The following DNAJC25 variants were observed in gnomAD, a reference collection of about 807,000 sequenced individuals.
DNAJC25 encodes dnaJ homolog subfamily C member 25.
In DNAJC25, 26 loss-of-function variants were observed where a neutral mutation model predicts 42.1. That is an observed-to-expected ratio of 0.62 (90% CI 0.45 to 0.86). The LOEUF (loss-of-function observed/expected upper bound fraction) is 0.86, where lower values mean the gene tolerates loss of function less well. Among genes scored for constraint, DNAJC25 ranks in the 40% least tolerant of loss-of-function variants. DNAJC25 has a pLI of 0.00. For missense variants in DNAJC25, 404 were observed against 459.4 expected (o/e 0.88, Z 1.10); for synonymous variants, 189 against 179.9 (o/e 1.05, Z -0.40).
chr9:111,647,222 T>C lies in DNAJC25; in HGVS notation c.452T>C (p.Val151Ala), dbSNP rs1327021213. The C allele has an allele frequency of 6.2e-7, 1 of 1,614,196 alleles. No individual in the cohort carries two copies. Among genetic ancestry groups the C allele is most frequent in the Non-Finnish European group, 8.5e-7 (1 of 1,180,040 alleles). The change falls in exon 2 of 4, where the codon GTG becomes GCG. Residue 151 changes from valine to alanine, a missense_variant. Physicochemically the swap from Val to Ala is moderately conservative, Grantham distance 64. Transcript: ENST00000313525. Reference sequence around the variant, plus strand: ...GCCCCTAAGGTGGATGTTAGAGTAGTGATTTTGGTCAGCGTGTGTGCTATT... The same window carrying C: ...GCCCCTAAGGTGGATGTTAGAGTAGCGATTTTGGTCAGCGTGTGTGCTATT... ...RLAPKVDVRV[V>A]ILVSVCAISV... is the part of the protein sequence containing the mutation.
intron 1 of DNAJC25, among the ~76,000 whole-genome samples, chr9:111,632,523 G>A (rs189050058): frequency 2.0e-5 from 3 of 152,224 alleles, no homozygotes; most frequent in Admixed American, 2.0e-4. Flanking sequence ...AGTCTTGTGG[G>A]GATGAGAGAT....
chr9:111,651,815 C>T (rs948660231), intron 3 of DNAJC25, among the ~76,000 whole-genome samples: 3 of 149,920 alleles, frequency 2.0e-5, no homozygotes, highest in Non-Finnish European at 4.4e-5. Context: ...CCACTGTATT[C>T]CAGCCTGGAT....
At chr9:111,633,598 C>T (rs1328987139) in intron 1 of DNAJC25, among the ~76,000 whole-genome samples, 1 of 152,116 alleles carries the variant, frequency 6.6e-6, no homozygotes, top group Non-Finnish European at 1.5e-5. Flanking sequence ...AGAAACACTG[C>T]CAGCTGTTGC....
At chr9:111,651,170 A>C (rs947587024) in intron 3 of DNAJC25, among the ~76,000 whole-genome samples, 1 of 151,154 alleles carries the variant, frequency 6.6e-6, no homozygotes, top group South Asian at 2.1e-4. Flanking sequence ...AGGCTGAGGC[A>C]GGAGAATCAC....
chr9:111,647,769 T>C (rs1830589222), intron 2 of DNAJC25, among the ~76,000 whole-genome samples: 1 of 152,166 alleles, frequency 6.6e-6, no homozygotes, highest in Non-Finnish European at 1.5e-5. Flanking sequence ...AAAAGAGGCA[T>C]AGGAACTTTC....
At chr9:111,640,180 G>A (rs1327300486) in intron 1 of DNAJC25, among the ~76,000 whole-genome samples, 5 of 151,558 alleles carry the variant, frequency 3.3e-5, no homozygotes, top group East Asian at 2.0e-4. Flanking sequence ...CGCCAACCTC[G>A]GCCTCCCGAG....
At position 111,639,950 on chromosome 9, in the gene DNAJC25, C is replaced by G. The variant is rs558699753; in HGVS notation, c.337-7157C>G. Among the ~76,000 whole-genome samples, 321 of 150,722 alleles carry G rather than the reference C, an allele frequency of 2.1e-3. 3 individuals carry two copies. Among genetic ancestry groups the G allele is most frequent in the African/African-American group, 7.5e-3 (305 of 40,936 alleles). Reference sequence around the variant, plus strand: ...TCCCTCTCCGTCTCCGTCTCCGTCTCCGTCTCCGTCTCCCCATGGTCTCCC... The same window carrying G: ...TCCCTCTCCGTCTCCGTCTCCGTCTGCGTCTCCGTCTCCCCATGGTCTCCC... On this transcript the variant is annotated intron_variant, in intron 1 of 3. Transcript: ENST00000313525.
chr9:111,642,861 C>T (rs1830504461), intron 1 of DNAJC25: 3 of 471,050 alleles, frequency 6.4e-6, no homozygotes, highest in Non-Finnish European at 1.3e-5. Flanking sequence ...TTCCAGTCCT[C>T]CTGCATATGC....
At position 111,653,462 on chromosome 9, in the gene DNAJC25, TTTA is replaced by T. The variant is rs1830695800; in HGVS notation, c.*244_*246del. ...TTTGTTAAAAGATTTCACATGAAGATTTATTAGTTGCCATTTAAAATTTTTATA... is the reference window on the plus strand; with the variant it reads ...TTTGTTAAAAGATTTCACATGAAGATTTAGTTGCCATTTAAAATTTTTATA... On this transcript the variant is annotated 3_prime_UTR_variant, in exon 4 of 4. Transcript: ENST00000313525. The T allele has an allele frequency of 2.8e-6, 1 of 356,036 alleles. No homozygotes were observed. The highest frequency in any genetic ancestry group is 4.6e-6 in the Non-Finnish European group (1 of 217,652). 22.1% of individuals were successfully genotyped at this position (356,036 alleles called of 1,614,324 possible).
intron 3 of DNAJC25, among the ~76,000 whole-genome samples, chr9:111,651,029 G>GGTC (rs1830650665): frequency 6.6e-6 from 1 of 152,106 alleles, no homozygotes; most frequent in Admixed American, 6.5e-5. Context: ...CATTTTGGGA[G>GGTC]GTCGAGGCAG....
intron 1 of DNAJC25, among the ~76,000 whole-genome samples, chr9:111,639,593 T>C (rs1357626605): frequency 6.6e-6 from 1 of 151,552 alleles, no homozygotes; most frequent in Non-Finnish European, 1.5e-5. Context: ...TGGGTAGCAG[T>C]TAATTTTCTC....
At chr9:111,634,159 T>A (rs779630321) in intron 1 of DNAJC25, among the ~76,000 whole-genome samples, 48 of 152,320 alleles carry the variant, frequency 3.2e-4, no homozygotes, top group Middle Eastern at 3.4e-3. Flanking sequence ...TTTGAAAACT[T>A]GCATTTTAAA....
chr9:111,638,932 G>GAA (rs1830403465), intron 1 of DNAJC25, among the ~76,000 whole-genome samples: 1 of 150,642 alleles, frequency 6.6e-6, no homozygotes, highest in African/African-American at 2.4e-5. Flanking sequence ...TTTACTACTC[G>GAA]TTTCTTCCTA....
At chr9:111,633,019 C>T (rs1446323067) in intron 1 of DNAJC25, among the ~76,000 whole-genome samples, 1 of 152,066 alleles carries the variant, frequency 6.6e-6, no homozygotes, top group Non-Finnish European at 1.5e-5. Context: ...TGAGGGATGG[C>T]TGGGGAACTG....
chr9:111,639,685 ATG>A (rs146132985), intron 1 of DNAJC25, among the ~76,000 whole-genome samples: 19 of 149,748 alleles, frequency 1.3e-4, no homozygotes, highest in Admixed American at 4.7e-4. Context: ...TTTCAAAAAA[ATG>A]TGTGTGTGTG....
intron 2 of DNAJC25, among the ~76,000 whole-genome samples, chr9:111,649,250 T>C (rs990352415): frequency 1.3e-5 from 2 of 152,244 alleles, no homozygotes. Flanking sequence ...AGAGTTTACC[T>C]TACTTATCCA....
At chr9:111,636,996 C>T (rs746756825) in intron 1 of DNAJC25, among the ~76,000 whole-genome samples, 18 of 152,180 alleles carry the variant, frequency 1.2e-4, no homozygotes, top group Non-Finnish European at 2.4e-4. Flanking sequence ...GACTGGCTGA[C>T]ATGATGTAAT....
intron 1 of DNAJC25, among the ~76,000 whole-genome samples, chr9:111,632,861 G>A (rs958764957): frequency 3.9e-5 from 6 of 152,046 alleles, no homozygotes; most frequent in African/African-American, 1.4e-4. Flanking sequence ...AGAGCAGTTT[G>A]GATAATTTGG....
chr9:111,650,861 G>T (rs1399729498), intron 3 of DNAJC25, among the ~76,000 whole-genome samples: 1 of 152,106 alleles, frequency 6.6e-6, no homozygotes, highest in Non-Finnish European at 1.5e-5. Flanking sequence ...CATTTTGTAT[G>T]TGATGTCCTA....
Sources: allele counts gnomAD v4.1 joint callset (sites outside exome capture counted in the v4.1 genomes callset), GRCh38; gene constraint gnomAD v4.1.1; transcripts MANE v1.5; gene names NCBI Gene and HGNC (gene_info 2026-07-23, HGNC 2026-07-21).